ASH1L: variants seen among roughly 807,000 people sequenced by gnomAD.
ASH1L encodes the protein histone-lysine N-methyltransferase ASH1L.
ASH1L carries 23 observed loss-of-function variants against 269.0 expected under a neutral mutation model. The ratio of observed to expected loss-of-function variants is 0.09; its 90% confidence interval spans 0.06 to 0.12. The LOEUF (loss-of-function observed/expected upper bound fraction) is 0.12. Ranked by LOEUF, ASH1L falls within the 10% of genes least tolerant of loss-of-function variation. The probability of loss-of-function intolerance (pLI) is 1.00; values close to 1 mark genes in which losing one functional copy is unlikely to be tolerated. For missense variants in ASH1L, 2,912 were observed against 3,567.8 expected, an observed-to-expected ratio of 0.82 and a Z score of 4.68; for synonymous variants, 1,187 against 1,253.5, an observed-to-expected ratio of 0.95 and a Z score of 1.12.
chr1:155,517,315 G>A (rs776941592), intron 2 of ASH1L, among the ~76,000 whole-genome samples: 11 of 152,056 alleles, frequency 7.2e-5, no homozygotes, highest in South Asian at 4.1e-4. Flanking sequence ...CCTGGATGAC[G>A]GAGCAAGACC....
At chr1:155,553,010 A>G (rs1252069221) in intron 1 of ASH1L, among the ~76,000 whole-genome samples, 4 of 152,158 alleles carry the variant, frequency 2.6e-5, no homozygotes, top group Non-Finnish European at 4.4e-5. Context: ...ATATCACCAT[A>G]TTTTACAGTC....
At position 155,521,474 on chromosome 1, in the gene ASH1L, C is replaced by T. The variant is rs1327217540; in HGVS notation, c.46G>A (p.Glu16Lys). The T allele has an allele frequency of 3.1e-6, 5 of 1,613,978 alleles. No individual in the cohort carries two copies. The highest frequency in any genetic ancestry group is 2.2e-5 in the East Asian group (1 of 44,876). The change falls in exon 2 of 28, where the codon GAA becomes AAA. Residue 16 changes from glutamate to lysine, a missense_variant. Glu to Lys is a moderately conservative substitution (Grantham distance 56). This residue lies in a region of ASH1L where 115 missense variants were observed against 101.5 expected (regional missense o/e 1.13). Transcript: ENST00000392403. ...TAMLGLGSDSEGFSRKSPSAI... is the reference protein window; with the variant it reads ...TAMLGLGSDSKGFSRKSPSAI... ...GAAGGACTCTTTCTTGAAAAACCTTCGGAATCAGAACCCAATCCTAACATA... is the reference window on the plus strand; with the variant it reads ...GAAGGACTCTTTCTTGAAAAACCTTTGGAATCAGAACCCAATCCTAACATA...
intron 1 of ASH1L, 80 bp from the exon 2 acceptor site, chr1:155,521,698 C>T: frequency 2.1e-6 from 1 of 486,256 alleles, no homozygotes; most frequent in Non-Finnish European, 3.5e-6. Flanking sequence ...TAGGGGAAGA[C>T]AAGGAGGTCA....
intron 1 of ASH1L, among the ~76,000 whole-genome samples, chr1:155,550,029 T>C (rs1418500553): frequency 1.4e-5 from 1 of 71,568 alleles, no homozygotes; most frequent in Non-Finnish European, 2.8e-5. Flanking sequence ...GATAGCCTCT[T>C]TTTTTTTTTG....
chr1:155,352,412 G>C (rs1431299524), intron 17 of ASH1L, among the ~76,000 whole-genome samples: 1 of 151,360 alleles, frequency 6.6e-6, no homozygotes, highest in Admixed American at 6.6e-5. Flanking sequence ...TCTTAGGGCA[G>C]TTTGGTCCCC....
Position 155,480,374 on chromosome 1 carries a change from T to C in ASH1L, c.2496A>G (p.Lys832=). Residue 832 remains lysine (K), a synonymous_variant, in exon 3 of 28, where the codon AAA becomes AAG. Transcript: ENST00000392403. Reference sequence around the variant, plus strand: ...CTTCCAGTTGAGGCATCTCCTTAGATTTAGGCCTTCCTCTTTTGGGCTTAT... The same window carrying C: ...CTTCCAGTTGAGGCATCTCCTTAGACTTAGGCCTTCCTCTTTTGGGCTTAT... ...DIYKPKRGRP[K]SKEMPQLEGP... is the part of the protein sequence containing the mutation. The C allele has an allele frequency of 6.2e-7, 1 of 1,614,066 alleles. No homozygotes were observed. The highest frequency in any genetic ancestry group is 8.5e-7 in the Non-Finnish European group (1 of 1,179,914).
At chr1:155,541,017 G>A (rs1670392326) in intron 1 of ASH1L, among the ~76,000 whole-genome samples, 1 of 152,164 alleles carries the variant, frequency 6.6e-6, no homozygotes, top group Non-Finnish European at 1.5e-5. Flanking sequence ...GGCTGAGGCG[G>A]GAGGATGGCT....
chr1:155,468,151 G>A (rs1379550526), intron 3 of ASH1L, among the ~76,000 whole-genome samples: 1 of 151,700 alleles, frequency 6.6e-6, no homozygotes, highest in South Asian at 2.1e-4. Flanking sequence ...AAGCTTCTCA[G>A]ACTTTCCTTG....
chr1:155,513,233 G>GA, intron 2 of ASH1L, among the ~76,000 whole-genome samples: 1 of 151,906 alleles, frequency 6.6e-6, no homozygotes, highest in East Asian at 1.9e-4. Context: ...AGCCCCTGTG[G>GA]AAAACAGTAT....
intron 21 of ASH1L, chr1:155,344,599 G>C (rs920672484): frequency 5.0e-6 from 1 of 198,492 alleles, no homozygotes; most frequent in Non-Finnish European, 1.0e-5. Context: ...TTAATGCCCA[G>C]GGTCCAAGGA....
intron 7 of ASH1L, among the ~76,000 whole-genome samples, chr1:155,390,452 A>G (rs1444945015): frequency 6.6e-6 from 1 of 152,184 alleles, no homozygotes; most frequent in Non-Finnish European, 1.5e-5. Flanking sequence ...ACAGAGGAGG[A>G]AAATAATTTT....
intron 5 of ASH1L, among the ~76,000 whole-genome samples, chr1:155,421,318 T>TA (rs1660659736): frequency 4.3e-5 from 1 of 23,522 alleles, no homozygotes; most frequent in African/African-American, 8.4e-5. Flanking sequence ...GTACCAACAG[T>TA]TTTTTTTTTT....
intron 3 of ASH1L, among the ~76,000 whole-genome samples, chr1:155,466,979 C>G (rs909230713): frequency 1.3e-5 from 2 of 152,076 alleles, no homozygotes; most frequent in African/African-American, 4.8e-5. Flanking sequence ...AGGTTTAAGC[C>G]TCACTTATTC....
At chr1:155,533,597 C>T (rs912516493) in intron 1 of ASH1L, among the ~76,000 whole-genome samples, 6 of 151,658 alleles carry the variant, frequency 4.0e-5, no homozygotes, top group Non-Finnish European at 8.8e-5. Flanking sequence ...ACCTGTAGTC[C>T]TAGCTACTCG....
chr1:155,348,021 T>A (rs1202548384), intron 19 of ASH1L, 117 bp from the exon 20 acceptor site: 4 of 1,266,064 alleles, frequency 3.2e-6, no homozygotes, highest in Non-Finnish European at 4.4e-6. Context: ...GTTAACAGAT[T>A]TTCAATAGTA....
At position 155,337,967 on chromosome 1, in the gene ASH1L, T is replaced by C. The variant is rs181795109; in HGVS notation, c.8803+122A>G. ...CAAGATACAACTAAAAGCAAGCCTATAAAAGAACTATACCATTTTCTTAGA... is the reference window on the plus strand; with the variant it reads ...CAAGATACAACTAAAAGCAAGCCTACAAAAGAACTATACCATTTTCTTAGA... On this transcript the variant is annotated intron_variant, in intron 27 of 27. Transcript: ENST00000392403. 565 of 1,158,688 alleles carry C rather than the reference T, an allele frequency of 4.9e-4. 1 individual carries two copies. The highest frequency in any genetic ancestry group is 6.4e-4 in the Non-Finnish European group (532 of 832,368). The allele number at this position is 1,158,688 out of a possible 1,614,324, so 71.8% of individuals were successfully genotyped here. A position where few individuals can be genotyped will look rare whatever the true frequency, so the allele number is the denominator to read the frequency against.
At chr1:155,428,674 G>T (rs1389823989) in intron 5 of ASH1L, among the ~76,000 whole-genome samples, 1 of 152,182 alleles carries the variant, frequency 6.6e-6, no homozygotes, top group African/African-American at 2.4e-5. Flanking sequence ...ACAATAGCAT[G>T]AGCGATCTGT....
chr1:155,529,411 T>C lies in ASH1L; in HGVS notation c.-99-7793A>G, dbSNP rs1669506517. Among the ~76,000 whole-genome samples, 3 of 151,888 alleles carry C rather than the reference T, an allele frequency of 2.0e-5. No individual in the cohort carries two copies. The South Asian group carries it at 6.2e-4, about 32-fold the overall frequency. The stretch of plus-strand genomic sequence containing the variant: ...TCTGAATGATGTGAGATGGTCTCAC[T>C]GTGGTTTTGATTTGCATTTCTTGAA... On this transcript the variant is annotated intron_variant, in intron 1 of 27. Transcript: ENST00000392403.
chr1:155,375,684 G>C (rs1206067603), intron 10 of ASH1L, among the ~76,000 whole-genome samples: 1 of 152,002 alleles, frequency 6.6e-6, no homozygotes, highest in East Asian at 1.9e-4. Flanking sequence ...CCAGCTACTC[G>C]CAAGGATGAA....
Sources: allele counts gnomAD v4.1 joint callset (sites outside exome capture counted in the v4.1 genomes callset), GRCh38; gene constraint gnomAD v4.1.1; regional missense constraint gnomAD v4.1.1; transcripts MANE v1.5; gene names NCBI Gene and HGNC (gene_info 2026-07-23, HGNC 2026-07-21).